Variants in SBF2 observed in about 807,000 individuals in gnomAD.
SBF2 encodes the protein myotubularin-related protein 13.
A neutral mutation model predicts 225.2 loss-of-function variants in SBF2; 112 were observed. The ratio of observed to expected loss-of-function variants is 0.50; its 90% CI spans 0.43 to 0.58. SBF2 has a LOEUF of 0.58. Among genes scored for constraint, SBF2 ranks in the 20% least tolerant of loss-of-function variants. SBF2 has a pLI of 0.00. For missense variants in SBF2, 1,996 were observed against 2,206.2 expected, an observed-to-expected ratio of 0.90 and a Z score of 1.91; for synonymous variants, 763 against 773.3, an observed-to-expected ratio of 0.99 and a Z score of 0.22.
intron 1 of SBF2, among the ~76,000 whole-genome samples, chr11:10,239,352 G>A (rs1959177933): frequency 6.7e-6 from 1 of 150,324 alleles, no homozygotes; most frequent in Admixed American, 6.6e-5. Context: ...CCATATACTT[G>A]GAAATTTTAA....
chr11:9,998,184 A>AG, intron 9 of SBF2, 82 bp downstream of exon 9: 1 of 822,300 alleles, frequency 1.2e-6, no homozygotes, highest in Non-Finnish European at 2.1e-6. Flanking sequence ...AACAAACTGC[A>AG]TTGACAAACA....
chr11:10,180,466 A>C (rs1462149901), intron 2 of SBF2, among the ~76,000 whole-genome samples: 2 of 152,006 alleles, frequency 1.3e-5, no homozygotes, highest in East Asian at 1.9e-4. Context: ...ATTGTATGTT[A>C]TTTCTTTCTT....
chr11:10,300,811 C>CT (rs570381146), intron 1 of SBF2, among the ~76,000 whole-genome samples: 24,254 of 138,018 alleles, frequency 0.18, 2,294 homozygotes, highest in East Asian at 0.27. Flanking sequence ...CTCTCTCTCT[C>CT]TTTTTTTTTT....
Position 9,989,039 on chromosome 11 carries a change from A to AAT in SBF2, c.1395+456_1395+457dup, listed in dbSNP as rs144940762. The stretch of plus-strand genomic sequence containing the variant: ...ATGAGTGGATAAAGAAACTGTGCCA[A>AAT]ATATATATATATATATACATATGCA... On this transcript the variant is annotated intron_variant, in intron 13 of 39. Transcript: ENST00000256190. Among the ~76,000 whole-genome samples, 771 of 138,666 alleles carry AAT rather than the reference A, an allele frequency of 5.6e-3. 9 individuals carry two copies. The highest frequency in any genetic ancestry group is 0.015 in the African/African-American group (576 of 38,974). 91.0% of individuals were successfully genotyped at this position (138,666 alleles called of 152,430 possible).
In SBF2 at chr11:9,787,495, G is replaced by A. The variant is rs185339955; in HGVS notation, c.5037+139C>T. The stretch of plus-strand genomic sequence containing the variant: ...TGGAACTTTCTGCCCTGGACCTCCA[G>A]GACATGACCCCTCCCCTTTCCACCC... On this transcript the variant is annotated intron_variant, in intron 36 of 39. Transcript: ENST00000256190. 9.7e-4 allele frequency: 709 copies of A among 730,392 alleles called. 6 individuals are homozygous for A. In the African/African-American group the frequency reaches 0.011, roughly 12 times the overall value. The allele number at this position is 730,392 out of a possible 1,614,324, so 45.2% of individuals were successfully genotyped here. A position where few individuals can be genotyped will look rare whatever the true frequency, so the allele number is the denominator to read the frequency against.
chr11:9,794,676 C>CAAAA (rs575749593), intron 33 of SBF2, among the ~76,000 whole-genome samples: 4,526 of 35,306 alleles, frequency 0.13, 1,744 homozygotes, highest in Non-Finnish European at 0.17. Context: ...GACTCCGTCT[C>CAAAA]AAAAAAAAAA....
chr11:10,236,338 TG>T (rs1160267893), intron 1 of SBF2, among the ~76,000 whole-genome samples: 1 of 152,194 alleles, frequency 6.6e-6, no homozygotes, highest in African/African-American at 2.4e-5. Context: ...AGTATGCATA[TG>T]CAGTCCCAGC....
intron 1 of SBF2, among the ~76,000 whole-genome samples, chr11:10,206,288 A>T (rs1462594970): frequency 6.6e-6 from 1 of 151,576 alleles, no homozygotes; most frequent in East Asian, 1.9e-4. Context: ...CCCAGCATTA[A>T]ATAAACAAAG....
At chr11:10,034,455 G>A (rs1005967811) in intron 3 of SBF2, among the ~76,000 whole-genome samples, 1 of 152,198 alleles carries the variant, frequency 6.6e-6, no homozygotes, top group African/African-American at 2.4e-5. Flanking sequence ...CAAGCTTTAA[G>A]GAAGTTTATC....
At chr11:9,842,502 G>C in intron 25 of SBF2, 123 bp downstream of exon 25, 1 of 922,918 alleles carries the variant, frequency 1.1e-6, no homozygotes, top group South Asian at 1.4e-5. Flanking sequence ...GCTGGTAAGT[G>C]CTTCCATCTT....
At chr11:9,843,300 C>T (rs1296864337) in intron 24 of SBF2, among the ~76,000 whole-genome samples, 1 of 152,176 alleles carries the variant, frequency 6.6e-6, no homozygotes, top group African/African-American at 2.4e-5. Context: ...GATGTCCTGA[C>T]TCTAATTAGC....
At chr11:10,189,107 A>C (rs956670307) in intron 2 of SBF2, among the ~76,000 whole-genome samples, 1 of 152,122 alleles carries the variant, frequency 6.6e-6, no homozygotes, top group African/African-American at 2.4e-5. Context: ...CCTTTTATAA[A>C]CTTTTTAAAA....
rs1364948647 is a variant in SBF2, at chr11:9,963,764, T to TA, written c.1710+8_1710+9insT. On this transcript the variant is annotated intron_variant, in intron 15 of 39. Transcript: ENST00000256190. ...AAATGCTTACTTGGGAAAGATCACA[T>TA]TTTATTACCTTTTCAGTTTCCAAAA... 1 of 1,309,888 alleles carries TA rather than the reference T, an allele frequency of 7.6e-7. No homozygotes were observed. Among genetic ancestry groups the TA allele is most frequent in the African/African-American group, 1.5e-5 (1 of 68,920 alleles). The allele number at this position is 1,309,888 out of a possible 1,614,324, so 81.1% of individuals were successfully genotyped here. A position where few individuals can be genotyped will look rare whatever the true frequency, so the allele number is the denominator to read the frequency against.
At chr11:10,228,876 A>G (rs1021817197) in intron 1 of SBF2, among the ~76,000 whole-genome samples, 3 of 152,166 alleles carry the variant, frequency 2.0e-5, no homozygotes, top group Admixed American at 1.3e-4. Flanking sequence ...TGATTGGAAT[A>G]GTTTCAGAAG....
intron 2 of SBF2, among the ~76,000 whole-genome samples, chr11:10,061,030 A>G (rs1219418675): frequency 6.6e-6 from 1 of 152,184 alleles, no homozygotes; most frequent in African/African-American, 2.4e-5. Context: ...TCCATCTCAA[A>G]AAAAAATAAA....
chr11:10,130,693 AC>A (rs1158142454), intron 2 of SBF2, among the ~76,000 whole-genome samples: 1 of 151,792 alleles, frequency 6.6e-6, no homozygotes, highest in East Asian at 1.9e-4. Flanking sequence ...GTTTCACCCA[AC>A]CCCGCCCCCA....
At chr11:10,216,837 T>G (rs1958151827) in intron 1 of SBF2, among the ~76,000 whole-genome samples, 1 of 152,074 alleles carries the variant, frequency 6.6e-6, no homozygotes, top group African/African-American at 2.4e-5. Context: ...ACCACTGTAC[T>G]CTAGCCTAGG....
intron 6 of SBF2, among the ~76,000 whole-genome samples, chr11:10,020,382 T>G (rs1236966227): frequency 1.3e-5 from 2 of 152,110 alleles, no homozygotes; most frequent in Non-Finnish European, 2.9e-5. Flanking sequence ...CAGGCCACTG[T>G]GTATGCAGAG....
chr11:9,850,892 T>C (rs1239831396), intron 21 of SBF2, among the ~76,000 whole-genome samples: 4 of 152,018 alleles, frequency 2.6e-5, no homozygotes, highest in Admixed American at 2.0e-4. Flanking sequence ...TCCCAGCACT[T>C]TGGGAGGTTG....
Sources: allele counts gnomAD v4.1 joint callset (sites outside exome capture counted in the v4.1 genomes callset), GRCh38; gene constraint gnomAD v4.1.1; transcripts MANE v1.5; gene names NCBI Gene and HGNC (gene_info 2026-07-23, HGNC 2026-07-21).